ATRNL1: variants seen among roughly 807,000 people sequenced by gnomAD.
The protein encoded by ATRNL1 is attractin-like protein 1.
Under a neutral mutation model 182.7 loss-of-function variants are expected in ATRNL1, and 95 were observed. That is an observed-to-expected ratio of 0.52 (90% CI 0.44 to 0.62). The LOEUF is 0.62. ATRNL1 is among the 20% of genes least tolerant of loss of function. ATRNL1 has a pLI of 0.00. For missense variants in ATRNL1, 1,471 were observed against 1,679.5 expected (o/e 0.88, Z 2.17); for synonymous variants, 576 against 568.3 (o/e 1.01, Z -0.19).
chr10:115,807,091 G>A (rs1207144749), intron 27 of ATRNL1, among the ~76,000 whole-genome samples: 4 of 150,632 alleles, frequency 2.7e-5, no homozygotes, highest in East Asian at 1.9e-4. Context: ...AATGCATGTC[G>A]TTGTACTCAG....
In ATRNL1 at chr10:115,353,630, A is replaced by G. The variant is rs148787107; in HGVS notation, c.3175+19211A>G. On this transcript the variant is annotated intron_variant, in intron 19 of 28. Coordinates refer to ENST00000355044, the MANE Select transcript of ATRNL1 (RefSeq NM_207303.4). ...GTCATTTTTCTTCTGATTGTTTTGTACATTTTCTCTTCCTTTCTTCCTCTC... is the reference window on the plus strand; with the variant it reads ...GTCATTTTTCTTCTGATTGTTTTGTGCATTTTCTCTTCCTTTCTTCCTCTC... Among the ~76,000 whole-genome samples the G allele has an allele frequency of 2.4e-3, 359 of 152,106 alleles. 1 individual carries two copies. The highest frequency in any genetic ancestry group is 0.021 in the Middle Eastern group (6 of 292).
Position 115,160,070 on chromosome 10 carries a change from C to T in ATRNL1, c.860C>T (p.Thr287Ile), listed in dbSNP as rs1846706028. 1 of 1,610,936 alleles carries T rather than the reference C, an allele frequency of 6.2e-7. No individual in the cohort carries two copies. Among genetic ancestry groups the T allele is most frequent in the Non-Finnish European group, 8.5e-7 (1 of 1,178,492 alleles). The part of the protein sequence containing the change: ...GPDCSLNVPS[T>I]ESYWILPNVK... ...GATTGTTCTTTGAATGTTCCCTCTACTGAGTCTTACTGGATTCTGCCAAAC... is the reference window on the plus strand; with the variant it reads ...GATTGTTCTTTGAATGTTCCCTCTATTGAGTCTTACTGGATTCTGCCAAAC... The change falls in exon 6 of 29, where the codon ACT becomes ATT. Residue 287 changes from threonine (T) to isoleucine (I), a missense_variant. Thr to Ile is a moderately conservative substitution (Grantham distance 89). Around this residue, in one of 3 missense-constraint regions of ATRNL1, gnomAD observed 1,031 missense variants for 1,156.0 expected, o/e 0.89. Coordinates refer to ENST00000355044, the MANE Select transcript of ATRNL1 (RefSeq NM_207303.4).
chr10:115,418,065 C>A (rs931789451), intron 20 of ATRNL1, among the ~76,000 whole-genome samples: 6 of 152,250 alleles, frequency 3.9e-5, no homozygotes, highest in Middle Eastern at 3.4e-3. Flanking sequence ...ACCAAACAGA[C>A]AAAATAAGGT....
intron 27 of ATRNL1, among the ~76,000 whole-genome samples, chr10:115,836,834 G>C (rs1387121739): frequency 6.6e-6 from 1 of 152,158 alleles, no homozygotes; most frequent in Non-Finnish European, 1.5e-5. Flanking sequence ...ACCAAGATCT[G>C]CTTCCCAGTT....
At chr10:115,530,697 A>G (rs1391452308) in intron 25 of ATRNL1, among the ~76,000 whole-genome samples, 1 of 151,810 alleles carries the variant, frequency 6.6e-6, no homozygotes, top group Admixed American at 6.6e-5. Flanking sequence ...TTACATATGT[A>G]TACATGTGCC....
chr10:115,358,121 C>T (rs1020998116), intron 19 of ATRNL1, among the ~76,000 whole-genome samples: 2 of 151,534 alleles, frequency 1.3e-5, no homozygotes, highest in Admixed American at 6.6e-5. Flanking sequence ...TTACAGATTA[C>T]CTGACATGAT....
chr10:115,478,124 A>G (rs527287168), intron 24 of ATRNL1, among the ~76,000 whole-genome samples: 11 of 151,830 alleles, frequency 7.2e-5, no homozygotes, highest in Non-Finnish European at 1.0e-4. Flanking sequence ...ATGGGAGATG[A>G]TAATATTGCC....
intron 17 of ATRNL1, among the ~76,000 whole-genome samples, chr10:115,304,280 C>A (rs887616289): frequency 9.2e-5 from 14 of 152,314 alleles, no homozygotes; most frequent in Admixed American, 5.2e-4. Flanking sequence ...ACAACTATCC[C>A]AGCAGCAATA....
chr10:115,467,292 C>T (rs1171236980), intron 23 of ATRNL1, 40 bp downstream of exon 23: 6 of 1,405,880 alleles, frequency 4.3e-6, no homozygotes, highest in Non-Finnish European at 4.9e-6. Flanking sequence ...TACATGTGTT[C>T]CTATCTGGAA....
chr10:115,710,807 A>G (rs1326770852), intron 26 of ATRNL1, among the ~76,000 whole-genome samples: 1 of 152,136 alleles, frequency 6.6e-6, no homozygotes, highest in African/African-American at 2.4e-5. Context: ...ATACCCTAAT[A>G]AATCATTCAT....
rs147674222 is a variant in ATRNL1, at chr10:115,219,894, C to T, written c.1532+4014C>T. On this transcript the variant is annotated intron_variant, in intron 9 of 28. Transcript: ENST00000355044. ...CTCCAGGCTGGGTGACAGATTGAGA[C>T]CCTGTCTCAAAAAAACAAAAAAGAG... Among the ~76,000 whole-genome samples, 43 of 152,120 alleles carry T rather than the reference C, an allele frequency of 2.8e-4. 2 individuals carry two copies. The East Asian group carries it at 7.9e-3, about 28-fold the overall frequency.
chr10:115,372,426 C>A (rs1383285418), intron 19 of ATRNL1, among the ~76,000 whole-genome samples: 28 of 152,020 alleles, frequency 1.8e-4, no homozygotes, highest in Non-Finnish European at 7.4e-5. Context: ...ATTATCTGTG[C>A]TTTTGGGACC....
At chr10:115,812,000 TG>T (rs1555087104) in intron 27 of ATRNL1, among the ~76,000 whole-genome samples, 1 of 152,134 alleles carries the variant, frequency 6.6e-6, no homozygotes, top group Non-Finnish European at 1.5e-5. Flanking sequence ...TTTATTTTTA[TG>T]GTAAAATACA....
intron 27 of ATRNL1, among the ~76,000 whole-genome samples, chr10:115,759,186 G>A (rs1343622929): frequency 6.6e-6 from 1 of 152,114 alleles, no homozygotes; most frequent in Non-Finnish European, 1.5e-5. Context: ...TTTGTCTTGA[G>A]GAAATTGGCA....
At chr10:115,816,728 A>T (rs540131413) in intron 27 of ATRNL1, among the ~76,000 whole-genome samples, 6 of 152,026 alleles carry the variant, frequency 3.9e-5, no homozygotes, top group Non-Finnish European at 8.8e-5. Flanking sequence ...GAACCACCTT[A>T]TAAGATGTTA....
intron 26 of ATRNL1, among the ~76,000 whole-genome samples, chr10:115,668,029 G>A (rs1257762359): frequency 2.6e-5 from 4 of 152,034 alleles, no homozygotes; most frequent in African/African-American, 9.7e-5. Context: ...ATGGAGATGA[G>A]ACTTGATGGG....
intron 27 of ATRNL1, among the ~76,000 whole-genome samples, chr10:115,827,005 T>G (rs1555092195): frequency 6.6e-6 from 1 of 152,092 alleles, no homozygotes; most frequent in Non-Finnish European, 1.5e-5. Context: ...TCCTGACACC[T>G]CCATTCAAGT....
Position 115,093,515 on chromosome 10 carries a change from C to T in ATRNL1, c.-236C>T, listed in dbSNP as rs1554862060. On this transcript the variant is annotated 5_prime_UTR_variant, in exon 1 of 29. Transcript: ENST00000355044. This position sits in a 1 kb window ranked among gnomAD's most constrained non-coding sequence, Gnocchi z 6.1. Reference sequence around the variant, plus strand: ...ACGCCGCGGCTGTGGGGTCGGCCCGCTAAGGACAAGGTCGGGAGACTGGGT... The same window carrying T: ...ACGCCGCGGCTGTGGGGTCGGCCCGTTAAGGACAAGGTCGGGAGACTGGGT... 2 of 663,278 alleles carry T rather than the reference C, an allele frequency of 3.0e-6. No individual in the cohort carries two copies. Among genetic ancestry groups the T allele is most frequent in the South Asian group, 1.5e-5 (1 of 65,378 alleles). 41.1% of individuals were successfully genotyped at this position (663,278 alleles called of 1,614,324 possible).
intron 28 of ATRNL1, among the ~76,000 whole-genome samples, chr10:115,885,999 C>T (rs1589648862): frequency 6.6e-6 from 1 of 152,238 alleles, no homozygotes; most frequent in East Asian, 1.9e-4. Flanking sequence ...TCAGTGCCTG[C>T]GTTTGCATCT....
Sources: allele counts gnomAD v4.1 joint callset (sites outside exome capture counted in the v4.1 genomes callset), GRCh38; gene constraint gnomAD v4.1.1; regional missense constraint gnomAD v4.1.1; non-coding constraint Gnocchi (gnomAD v3.1); transcripts MANE v1.5; gene names NCBI Gene and HGNC (gene_info 2026-07-23, HGNC 2026-07-21).